Variants in RUNDC3B observed in about 807,000 individuals in gnomAD.
RUNDC3B encodes RUN domain-containing protein 3B.
RUNDC3B carries 33 observed loss-of-function variants against 58.4 expected under a neutral mutation model. The observed-to-expected ratio is 0.56, with a 90% CI of 0.43 to 0.75. The LOEUF (loss-of-function observed/expected upper bound fraction) is 0.75, where lower values mean the gene tolerates loss of function less well. Ranked by LOEUF, RUNDC3B falls within the 30% of genes least tolerant of loss-of-function variation. The pLI is 0.00. For synonymous variants in RUNDC3B, 193 were observed against 195.2 expected, an observed-to-expected ratio of 0.99 and a Z score of 0.10; for missense variants, 501 against 535.7, an observed-to-expected ratio of 0.94 and a Z score of 0.64.
chr7:87,712,986 G>A (rs889993171), intron 4 of RUNDC3B, among the ~76,000 whole-genome samples: 8 of 151,796 alleles, frequency 5.3e-5, no homozygotes, highest in Non-Finnish European at 1.0e-4. Flanking sequence ...TAAAAAATGC[G>A]GCAAAAAAAT....
intron 2 of RUNDC3B, among the ~76,000 whole-genome samples, chr7:87,699,985 G>T (rs1411802661): frequency 6.6e-6 from 1 of 151,934 alleles, no homozygotes. Context: ...GAGGAGAAAA[G>T]AATTATGGTG....
At chr7:87,732,980 T>C (rs1831681034) in intron 4 of RUNDC3B, among the ~76,000 whole-genome samples, 3 of 152,130 alleles carry the variant, frequency 2.0e-5, no homozygotes, top group Non-Finnish European at 4.4e-5. Flanking sequence ...CAAAAGCTGG[T>C]TACAAACAAT....
chr7:87,732,801 T>C (rs543773911), intron 4 of RUNDC3B, among the ~76,000 whole-genome samples: 125 of 152,302 alleles, frequency 8.2e-4, no homozygotes, highest in African/African-American at 3.0e-3. Context: ...TTCTTTAACA[T>C]AACATTTGTA....
chr7:87,767,814 A>G (rs1834053442), intron 6 of RUNDC3B, among the ~76,000 whole-genome samples: 1 of 152,174 alleles, frequency 6.6e-6, no homozygotes. Context: ...CTAGGCAGGT[A>G]GGAATGCAAT....
chr7:87,769,440 T>C (rs1250804824), intron 6 of RUNDC3B, among the ~76,000 whole-genome samples: 1 of 152,296 alleles, frequency 6.6e-6, no homozygotes, highest in Admixed American at 6.5e-5. Flanking sequence ...TTTTGAATTT[T>C]CTTTGGCAGG....
Position 87,749,260 on chromosome 7 carries a change from G to A in RUNDC3B, c.629+7681G>A, listed in dbSNP as rs566263829. On this transcript the variant is annotated intron_variant, in intron 6 of 10. Coordinates refer to ENST00000394654, the MANE Select transcript of RUNDC3B (RefSeq NM_001134405.2). ...GTAAGATACTGAAGTAATTATTACA[G>A]TGTTTTTGAAAGGTACAATAATGGA... Among the ~76,000 whole-genome samples, 8 of 152,282 alleles carry A rather than the reference G, an allele frequency of 5.3e-5. 2 individuals are homozygous for A. In the South Asian group the frequency reaches 1.7e-3, roughly 32 times the overall value.
intron 8 of RUNDC3B, among the ~76,000 whole-genome samples, chr7:87,782,385 G>C (rs988886495): frequency 2.0e-5 from 3 of 151,936 alleles, no homozygotes; most frequent in African/African-American, 7.2e-5. Context: ...ATAGCTAACA[G>C]TCTGTCAATC....
intron 6 of RUNDC3B, among the ~76,000 whole-genome samples, chr7:87,765,783 A>C (rs1159421047): frequency 6.6e-6 from 1 of 152,108 alleles, no homozygotes; most frequent in Non-Finnish European, 1.5e-5. Context: ...ATTGGGTAGC[A>C]TGTTCTGTAA....
intron 6 of RUNDC3B, 58 bp downstream of exon 6, chr7:87,741,637 G>A: frequency 1.0e-6 from 1 of 987,210 alleles, no homozygotes; most frequent in South Asian, 1.5e-5. Flanking sequence ...AATGTCTTGT[G>A]CAATGTTTGT....
At chr7:87,699,711 A>T (rs1828848804) in intron 2 of RUNDC3B, among the ~76,000 whole-genome samples, 1 of 152,250 alleles carries the variant, frequency 6.6e-6, no homozygotes, top group South Asian at 2.1e-4. Flanking sequence ...CAACCATAGA[A>T]ATATTAATAC....
chr7:87,733,262 G>A (rs1438411110), intron 4 of RUNDC3B, among the ~76,000 whole-genome samples: 11 of 152,170 alleles, frequency 7.2e-5, no homozygotes, highest in Admixed American at 7.2e-4. Context: ...CCATTCATAG[G>A]CTCTCTGCAG....
At chr7:87,667,323 TG>T (rs1221295452) in intron 2 of RUNDC3B, among the ~76,000 whole-genome samples, 1 of 152,182 alleles carries the variant, frequency 6.6e-6, no homozygotes, top group Non-Finnish European at 1.5e-5. Flanking sequence ...TAGTGATTTT[TG>T]TACATTGATT....
intron 1 of RUNDC3B, among the ~76,000 whole-genome samples, chr7:87,649,647 A>G (rs886216061): frequency 3.4e-4 from 52 of 152,128 alleles, no homozygotes; most frequent in Admixed American, 3.1e-3. Flanking sequence ...CACTTTACAG[A>G]TTTGCAGGTT....
chr7:87,801,354 G>A (rs12704370), intron 8 of RUNDC3B, among the ~76,000 whole-genome samples: 95,259 of 152,050 alleles, frequency 0.63, 31,793 homozygotes, highest in African/African-American at 0.88. Flanking sequence ...GACCAGTGAG[G>A]TAAAATTTTA....
At chr7:87,743,003 A>T (rs537345648) in intron 6 of RUNDC3B, among the ~76,000 whole-genome samples, 1 of 152,020 alleles carries the variant, frequency 6.6e-6, no homozygotes, top group African/African-American at 2.4e-5. Context: ...AGTCCCCACT[A>T]CTCAGGAGGC....
rs573946430 is a variant in RUNDC3B, at chr7:87,822,443, C to A, written c.1225+6181C>A. Among the ~76,000 whole-genome samples, 18 of 152,294 alleles carry A rather than the reference C, an allele frequency of 1.2e-4. No homozygotes were observed. The East Asian group carries it at 3.1e-3, about 26-fold the overall frequency. On this transcript the variant is annotated intron_variant, in intron 10 of 10. Coordinates refer to ENST00000394654, the MANE Select transcript of RUNDC3B (RefSeq NM_001134405.2). The stretch of plus-strand genomic sequence containing the variant: ...GAACACTTTTACACTGTTGGTGGAA[C>A]TGTAAACTAGTTCAACCATTGTGGA...
chr7:87,793,913 A>G (rs1164933893), intron 8 of RUNDC3B, among the ~76,000 whole-genome samples: 1 of 152,198 alleles, frequency 6.6e-6, no homozygotes, highest in Non-Finnish European at 1.5e-5. Context: ...TGCAGATGAT[A>G]TGATCTTATA....
intron 4 of RUNDC3B, among the ~76,000 whole-genome samples, chr7:87,715,464 TA>T (rs1272949668): frequency 7.6e-6 from 1 of 132,064 alleles, no homozygotes; most frequent in Non-Finnish European, 1.6e-5. Context: ...TATATTATAT[TA>T]ATTTATATTA....
At chr7:87,732,179 T>C (rs940566937) in intron 4 of RUNDC3B, among the ~76,000 whole-genome samples, 8 of 151,878 alleles carry the variant, frequency 5.3e-5, no homozygotes, top group Non-Finnish European at 8.8e-5. Flanking sequence ...CAGTGCAAAA[T>C]TTAAGAAGAA....
Sources: allele counts gnomAD v4.1 joint callset (sites outside exome capture counted in the v4.1 genomes callset), GRCh38; gene constraint gnomAD v4.1.1; transcripts MANE v1.5; gene names NCBI Gene and HGNC (gene_info 2026-07-23, HGNC 2026-07-21).